The following CNOT4 variants were observed in gnomAD, a reference collection of about 807,000 sequenced individuals.
CNOT4 encodes the protein CCR4-NOT transcription complex subunit 4.
CNOT4 carries 8 observed loss-of-function variants against 73.8 expected under a neutral mutation model. That is an observed-to-expected ratio of 0.11 (90% CI 0.06 to 0.20). CNOT4 has a LOEUF of 0.20. Among genes scored for constraint, CNOT4 ranks in the 10% least tolerant of loss-of-function variants. The pLI is 1.00. For synonymous variants in CNOT4, 293 were observed against 321.1 expected (o/e 0.91, Z 0.94); for missense variants, 564 against 883.4 (o/e 0.64, Z 4.58).
chr7:135,502,740 C>T (rs186681164), intron 1 of CNOT4, among the ~76,000 whole-genome samples: 9 of 144,672 alleles, frequency 6.2e-5, no homozygotes, highest in Non-Finnish European at 1.0e-4. Context: ...TGCTTGAACC[C>T]GGGAGGTGGA....
At position 135,414,362 on chromosome 7, in the gene CNOT4, T is replaced by C. The variant is rs1797737754; in HGVS notation, c.530A>G (p.Asn177Ser). Residue 177 changes from asparagine to serine, a missense_variant, in exon 5 of 12, where the codon AAC (asparagine) becomes AGC (serine). By Grantham distance (46) the Asn-to-Ser change is conservative. Around this residue, in one of 10 missense-constraint regions of CNOT4, gnomAD observed 25 missense variants for 25.1 expected, o/e 1.00. Transcript: ENST00000541284. ...TGTTCTGCCATCTACTACCACATTG[T>C]TGACACACTGTATGGCTCTGAGAGC... ...EDALRAIQCV[N>S]NVVVDGRTLK... is the part of the protein sequence containing the mutation. The C allele has an allele frequency of 1.3e-6, 2 of 1,507,102 alleles. No individual in the cohort carries two copies. The highest frequency in any genetic ancestry group is 1.8e-6 in the Non-Finnish European group (2 of 1,085,476). 93.4% of individuals were successfully genotyped at this position (1,507,102 alleles called of 1,614,324 possible). A position where few individuals can be genotyped will look rare whatever the true frequency, so the allele number is the denominator to read the frequency against.
chr7:135,369,696 T>C (rs1795095039), intron 10 of CNOT4, among the ~76,000 whole-genome samples: 1 of 152,180 alleles, frequency 6.6e-6, no homozygotes, highest in South Asian at 2.1e-4. Flanking sequence ...CCTTTGTGCA[T>C]TTTTAGAAGG....
In CNOT4 at chr7:135,366,666, G is replaced by T. The variant is rs139515961; in HGVS notation, c.1628-2600C>A. ...ATTTTGGGAGCCTGACAGCATGGAT[G>T]TGGCTTACAGTAAAGCTGCAAGTGT... On this transcript the variant is annotated intron_variant, in intron 10 of 11. Coordinates refer to ENST00000541284, the MANE Select transcript of CNOT4 (RefSeq NM_001190850.2). Among the ~76,000 whole-genome samples the T allele has an allele frequency of 4.7e-3, 714 of 152,340 alleles. 1 individual carries two copies. Among genetic ancestry groups the T allele is most frequent in the Non-Finnish European group, 8.0e-3 (545 of 68,030 alleles).
In CNOT4 at chr7:135,362,939, G is replaced by T. The variant is rs201029431; in HGVS notation, c.2088C>A (p.Pro696=). The change falls in exon 12 of 12, where the codon CCC becomes CCA. Residue 696 remains proline (P), a synonymous_variant. Transcript: ENST00000541284. ...PPPGFQTAFR[P]PSKTPTDLLQ... Reference sequence around the variant, plus strand: ...GTAAATCTGTGGGGGTTTTGCTGGGGGGTCTGAAGGCTGTCTGAAAGCCTG... The same window carrying T: ...GTAAATCTGTGGGGGTTTTGCTGGGTGGTCTGAAGGCTGTCTGAAAGCCTG... The T allele has an allele frequency of 1.2e-6, 2 of 1,613,624 alleles. No homozygotes were observed. The highest frequency in any genetic ancestry group is 1.7e-6 in the Non-Finnish European group (2 of 1,179,768).
At chr7:135,449,090 T>C (rs1800008815) in intron 1 of CNOT4, among the ~76,000 whole-genome samples, 3 of 152,150 alleles carry the variant, frequency 2.0e-5, no homozygotes, top group Non-Finnish European at 4.4e-5. Flanking sequence ...GTAACACAGA[T>C]GAATCTCCCA....
At chr7:135,503,277 C>CA (rs1804119238) in intron 1 of CNOT4, among the ~76,000 whole-genome samples, 1 of 152,032 alleles carries the variant, frequency 6.6e-6, no homozygotes, top group South Asian at 2.1e-4. Flanking sequence ...CTACCCTGGG[C>CA]AACAGGGTGA....
chr7:135,450,405 G>A (rs1367925840), intron 1 of CNOT4, among the ~76,000 whole-genome samples: 3 of 151,870 alleles, frequency 2.0e-5, no homozygotes, highest in African/African-American at 7.3e-5. Context: ...TGCAACCTTC[G>A]CCTCCTGGGT....
intron 10 of CNOT4, among the ~76,000 whole-genome samples, chr7:135,366,427 G>A (rs574100190): frequency 2.9e-4 from 44 of 152,306 alleles, no homozygotes; most frequent in Non-Finnish European, 5.9e-4. Context: ...TTTGTTTTAA[G>A]GGACATTTGT....
At chr7:135,470,692 C>T (rs1283666260) in intron 1 of CNOT4, among the ~76,000 whole-genome samples, 1 of 151,882 alleles carries the variant, frequency 6.6e-6, no homozygotes, top group African/African-American at 2.4e-5. Flanking sequence ...ATAGGTGAAA[C>T]ATGAACAAAC....
intron 2 of CNOT4, among the ~76,000 whole-genome samples, chr7:135,432,304 A>T (rs1593209): frequency 0.01 from 1,548 of 152,308 alleles, 87 homozygotes; most frequent in Admixed American, 0.09. Flanking sequence ...AGGAAAAAAA[A>T]ATATATCATG....
chr7:135,379,688 T>C (rs1795730570), intron 10 of CNOT4, among the ~76,000 whole-genome samples: 1 of 152,104 alleles, frequency 6.6e-6, no homozygotes, highest in African/African-American at 2.4e-5. Context: ...TAACCAAACA[T>C]TCAGTTTAAG....
rs1037742444 is a variant in CNOT4, at chr7:135,458,303, C to T, written c.-92-19880G>A. Among the ~76,000 whole-genome samples, 6 of 152,036 alleles carry T rather than the reference C, an allele frequency of 3.9e-5. 1 individual carries two copies. Among genetic ancestry groups the T allele is most frequent in the Non-Finnish European group, 7.4e-5 (5 of 67,998 alleles). On this transcript the variant is annotated intron_variant, in intron 1 of 11. Transcript: ENST00000541284. ...ACCTTAATTTAAAAATACTTTACTG[C>T]TAAAAAATGATAAGATCATCTGAGC... is the stretch of plus-strand genomic sequence containing the variant.
chr7:135,409,393 T>C lies in CNOT4; in HGVS notation c.821+1122A>G, dbSNP rs193002058. Among the ~76,000 whole-genome samples the C allele has an allele frequency of 3.0e-4, 46 of 152,334 alleles. No homozygotes were observed. In the South Asian group the frequency reaches 3.1e-3, roughly 10 times the overall value. On this transcript the variant is annotated intron_variant, in intron 7 of 11. Coordinates refer to ENST00000541284, the MANE Select transcript of CNOT4 (RefSeq NM_001190850.2). ...CATAGTTTACTATACAGTAACTTTA[T>C]GTTTCGCTTTGTGGCCTATTTTATA...
intron 10 of CNOT4, chr7:135,388,666 C>A: frequency 3.7e-6 from 5 of 1,351,354 alleles, no homozygotes; most frequent in Non-Finnish European, 3.9e-6. Flanking sequence ...TAGCTGTAGG[C>A]ATGAGGAACG....
At chr7:135,483,227 A>G (rs974179166) in intron 1 of CNOT4, among the ~76,000 whole-genome samples, 3 of 151,284 alleles carry the variant, frequency 2.0e-5, no homozygotes, top group African/African-American at 7.3e-5. Context: ...ACTCCCAGCT[A>G]CTCTGGAGGC....
At chr7:135,453,570 AC>A (rs1251500972) in intron 1 of CNOT4, among the ~76,000 whole-genome samples, 1 of 151,858 alleles carries the variant, frequency 6.6e-6, no homozygotes, top group African/African-American at 2.4e-5. Flanking sequence ...GCATAAGGGG[AC>A]ATGGAGGAAG....
At chr7:135,463,498 A>AT (rs59571669) in intron 1 of CNOT4, among the ~76,000 whole-genome samples, 147,150 of 147,154 alleles carry the variant, frequency 1, 73,573 homozygotes, top group Middle Eastern at 1. Flanking sequence ...AGATCGCGCC[A>AT]TGCACTCCAG....
At chr7:135,479,198 ATT>A (rs61487024) in intron 1 of CNOT4, among the ~76,000 whole-genome samples, 2,511 of 89,392 alleles carry the variant, frequency 0.028, 22 homozygotes, top group African/African-American at 0.11. Flanking sequence ...TTAGAACCAA[ATT>A]TTTTTTTTTT....
intron 1 of CNOT4, among the ~76,000 whole-genome samples, chr7:135,505,741 TA>T (rs1263261117): frequency 1.3e-5 from 2 of 152,190 alleles, no homozygotes; most frequent in Admixed American, 6.5e-5. Context: ...TGCTAAAATC[TA>T]AGTACTAAAA....
Sources: allele counts gnomAD v4.1 joint callset (sites outside exome capture counted in the v4.1 genomes callset), GRCh38; gene constraint gnomAD v4.1.1; regional missense constraint gnomAD v4.1.1; transcripts MANE v1.5; gene names NCBI Gene and HGNC (gene_info 2026-07-23, HGNC 2026-07-21).